GTF2A2: variants seen among roughly 807,000 people sequenced by gnomAD.
GTF2A2 encodes the protein transcription initiation factor IIA subunit 2.
Under a neutral mutation model 14.3 loss-of-function variants are expected in GTF2A2, and 9 were observed. The ratio of observed to expected loss-of-function variants is 0.63; its 90% confidence interval spans 0.38 to 1.10. The LOEUF (loss-of-function observed/expected upper bound fraction) is 1.10. Ranked by LOEUF, GTF2A2 falls within the 50% of genes least tolerant of loss-of-function variation. GTF2A2 has a pLI of 0.01. For missense variants in GTF2A2, 90 were observed against 124.6 expected, an observed-to-expected ratio of 0.72 and a Z score of 1.32; for synonymous variants, 56 against 46.0, an observed-to-expected ratio of 1.22 and a Z score of -0.88.
chr15:59,643,787 T>TG (rs111402337), intron 3 of GTF2A2, among the ~76,000 whole-genome samples: 152,040 of 152,062 alleles, frequency 1, 76,009 homozygotes, highest in Middle Eastern at 1. Context: ...TTAGTAGAGA[T>TG]GGGTTTCACC....
At chr15:59,648,020 C>G (rs1245308440) in intron 3 of GTF2A2, among the ~76,000 whole-genome samples, 5 of 152,122 alleles carry the variant, frequency 3.3e-5, no homozygotes, top group Non-Finnish European at 5.9e-5. Context: ...TCTTTTAACG[C>G]TTGTTAATTA....
rs1417142891 is a variant in GTF2A2, at chr15:59,642,276, CATTT to C, written c.178-18_178-15del. 6.4e-7 allele frequency: 1 copy of C among 1,573,526 alleles called. No individual in the cohort carries two copies. The highest frequency in any genetic ancestry group is 2.3e-5 in the East Asian group (1 of 43,086). On this transcript the variant is annotated splice_polypyrimidine_tract_variant and intron_variant, in intron 3 of 4. Transcript: ENST00000396060. ...ATTTAGAGAGCCCTTTAAAACAAAACATTTAGAAATACCGTGAAACGTTTTTTCC... is the reference window on the plus strand; with the variant it reads ...ATTTAGAGAGCCCTTTAAAACAAAACAGAAATACCGTGAAACGTTTTTTCC...
rs910628529 is a variant in GTF2A2 at position 59,639,069 on chromosome 15, T to C, written c.*63A>G. On this transcript the variant is annotated 3_prime_UTR_variant, in exon 5 of 5. Transcript: ENST00000396060. ...TCTAGAATAAATAAAAAGTCTCTTC[T>C]ATGCTTCTCTTCAAAAGCAATGAAT... is the stretch of plus-strand genomic sequence containing the variant. 3 of 930,348 alleles carry C rather than the reference T, an allele frequency of 3.2e-6. No homozygotes were observed. Among genetic ancestry groups the C allele is most frequent in the African/African-American group, 1.6e-5 (1 of 61,154 alleles). The allele number at this position is 930,348 out of a possible 1,614,324, so 57.6% of individuals were successfully genotyped here.
At chr15:59,650,595 T>C (rs1286563076) in intron 3 of GTF2A2, 74 bp downstream of exon 3, 26 of 799,420 alleles carry the variant, frequency 3.3e-5, no homozygotes, top group African/African-American at 1.0e-4. Context: ...AATAAATATG[T>C]AGGGGTCCTA....
At chr15:59,642,805 T>C (rs1320009873) in intron 3 of GTF2A2, among the ~76,000 whole-genome samples, 2 of 152,212 alleles carry the variant, frequency 1.3e-5, no homozygotes, top group Non-Finnish European at 2.9e-5. Context: ...TCTTGCTCTG[T>C]TGCCACGCTG....
intron 4 of GTF2A2, among the ~76,000 whole-genome samples, chr15:59,640,445 T>C (rs1342067660): frequency 1.3e-5 from 2 of 152,236 alleles, no homozygotes; most frequent in African/African-American, 4.8e-5. Flanking sequence ...ACTGACACTC[T>C]ACTAGTCTAC....
At chr15:59,657,020 C>G (rs1891966140) in intron 1 of GTF2A2, 1 of 152,228 alleles carries the variant, frequency 6.6e-6, no homozygotes, top group Non-Finnish European at 1.5e-5. Flanking sequence ...GGAAGGCAGA[C>G]TTCAAACAAC....
At chr15:59,645,021 A>C (rs1430544270) in intron 3 of GTF2A2, among the ~76,000 whole-genome samples, 1 of 152,178 alleles carries the variant, frequency 6.6e-6, no homozygotes, top group African/African-American at 2.4e-5. Context: ...GCTTTACTAC[A>C]GTAATAGTAT....
intron 3 of GTF2A2, among the ~76,000 whole-genome samples, chr15:59,645,545 G>A (rs981313385): frequency 1.3e-5 from 2 of 152,182 alleles, no homozygotes; most frequent in Non-Finnish European, 2.9e-5. Context: ...AATTTCAGTG[G>A]AGTGATAAAT....
chr15:59,639,834 T>C (rs1406146702), intron 4 of GTF2A2, among the ~76,000 whole-genome samples: 1 of 152,014 alleles, frequency 6.6e-6, no homozygotes, highest in Non-Finnish European at 1.5e-5. Flanking sequence ...CACTGCAATC[T>C]CCACCTCTCG....
At chr15:59,639,758 AT>A (rs566440984) in intron 4 of GTF2A2, among the ~76,000 whole-genome samples, 10 of 138,614 alleles carry the variant, frequency 7.2e-5, no homozygotes, top group African/African-American at 2.2e-4. Flanking sequence ...GTGCCTGGCA[AT>A]TTTTTTTTAA....
At chr15:59,646,982 TTA>T (rs1224674566) in intron 3 of GTF2A2, among the ~76,000 whole-genome samples, 2 of 150,646 alleles carry the variant, frequency 1.3e-5, no homozygotes, top group African/African-American at 4.9e-5. Context: ...AAAACGATGT[TTA>T]TATATATGTA....
At chr15:59,641,513 T>G (rs1408154565) in intron 4 of GTF2A2, among the ~76,000 whole-genome samples, 1 of 152,208 alleles carries the variant, frequency 6.6e-6, no homozygotes, top group Admixed American at 6.5e-5. Context: ...CTGGAATAGC[T>G]GCTCTTAACA....
At position 59,650,716 on chromosome 15, in the gene GTF2A2, T is replaced by C. The variant is rs745764571; in HGVS notation, c.130A>G (p.Ile44Val). 10 of 1,611,952 alleles carry C rather than the reference T, an allele frequency of 6.2e-6. No individual in the cohort carries two copies. Among genetic ancestry groups the C allele is most frequent in the Non-Finnish European group, 8.5e-6 (10 of 1,178,070 alleles). ...ACCCTCTGAGCCAGTGCTGCATTTA[T>C]AGCCTTATCAAACTGAAGTAGAACT... Reference protein sequence around the residue: ...LQVLLQFDKAINAALAQRVRN... With the variant: ...LQVLLQFDKAVNAALAQRVRN... Residue 44 changes from isoleucine to valine, a missense_variant, in exon 3 of 5, where the codon ATA becomes GTA. Coordinates refer to ENST00000396060, the MANE Select transcript of GTF2A2 (RefSeq NM_004492.3).
At chr15:59,643,247 CTT>C (rs1891492097) in intron 3 of GTF2A2, among the ~76,000 whole-genome samples, 2 of 151,244 alleles carry the variant, frequency 1.3e-5, no homozygotes, top group African/African-American at 4.9e-5. Context: ...GCCTAGCTAA[CTT>C]TTGTATTTTT....
intron 3 of GTF2A2, among the ~76,000 whole-genome samples, chr15:59,646,028 C>T (rs561777279): frequency 6.9e-4 from 35 of 50,418 alleles, no homozygotes; most frequent in Non-Finnish European, 1.2e-3. Flanking sequence ...AGTAAGGCTC[C>T]GCCTTAAAAA....
chr15:59,643,617 A>AGAT (rs375899113), intron 3 of GTF2A2, among the ~76,000 whole-genome samples: 46 of 115,814 alleles, frequency 4.0e-4, no homozygotes, highest in African/African-American at 1.5e-3. Flanking sequence ...TTTTTTTTGG[A>AGAT]GATGGAGTCT....
chr15:59,655,039 T>A (rs1183777024), intron 1 of GTF2A2, among the ~76,000 whole-genome samples: 1 of 152,194 alleles, frequency 6.6e-6, no homozygotes, highest in East Asian at 1.9e-4. Context: ...TCTATACCTA[T>A]TTTTATCTAA....
chr15:59,656,984 T>C (rs1232747206), intron 1 of GTF2A2: 2 of 152,246 alleles, frequency 1.3e-5, no homozygotes, highest in African/African-American at 4.8e-5. Context: ...TTCGTTCCTT[T>C]TGTCGGAGTT....
Sources: allele counts gnomAD v4.1 joint callset (sites outside exome capture counted in the v4.1 genomes callset), GRCh38; gene constraint gnomAD v4.1.1; transcripts MANE v1.5; gene names NCBI Gene and HGNC (gene_info 2026-07-23, HGNC 2026-07-21).